SPATA17: variants seen among roughly 807,000 people sequenced by gnomAD.
SPATA17 encodes spermatogenesis-associated protein 17.
Under a neutral mutation model 62.2 loss-of-function variants are expected in SPATA17, and 53 were observed. The ratio of observed to expected loss-of-function variants is 0.85; its 90% CI spans 0.68 to 1.07. SPATA17 has a LOEUF of 1.07. SPATA17 is among the 50% of genes least tolerant of loss of function. The pLI, the probability that SPATA17 is intolerant of heterozygous loss-of-function variation, is 0.00. For synonymous variants in SPATA17, 146 were observed against 146.8 expected, an observed-to-expected ratio of 0.99 and a Z score of 0.04; for missense variants, 466 against 425.5, an observed-to-expected ratio of 1.10 and a Z score of -0.84.
intron 5 of SPATA17, among the ~76,000 whole-genome samples, chr1:217,696,313 A>C (rs1046418485): frequency 1.3e-5 from 2 of 152,132 alleles, no homozygotes; most frequent in Admixed American, 6.5e-5. Flanking sequence ...TGACCCCTTG[A>C]GCTTCCCAGG....
intron 5 of SPATA17, among the ~76,000 whole-genome samples, chr1:217,732,902 C>A (rs1269648719): frequency 6.6e-6 from 1 of 151,992 alleles, no homozygotes; most frequent in African/African-American, 2.4e-5. Flanking sequence ...TTTACAGCAA[C>A]TCTCTAGATG....
chr1:217,679,943 TC>T, intron 4 of SPATA17, among the ~76,000 whole-genome samples: 1 of 152,212 alleles, frequency 6.6e-6, no homozygotes. Context: ...AATCATAAAC[TC>T]GCATCATTCT....
intron 9 of SPATA17, among the ~76,000 whole-genome samples, chr1:217,855,729 A>ATTGT (rs1675767654): frequency 7.8e-6 from 1 of 128,882 alleles, no homozygotes; most frequent in African/African-American, 2.9e-5. Flanking sequence ...AGAAGGAACT[A>ATTGT]TTTTTTTTTT....
At chr1:217,643,187 C>A (rs111337477) in intron 1 of SPATA17, among the ~76,000 whole-genome samples, 6,718 of 151,634 alleles carry the variant, frequency 0.044, 204 homozygotes, top group Middle Eastern at 0.095. Flanking sequence ...TTTCTCTTAC[C>A]TTTTCTGACA....
At chr1:217,708,561 G>T (rs1054915969) in intron 5 of SPATA17, among the ~76,000 whole-genome samples, 2 of 151,854 alleles carry the variant, frequency 1.3e-5, no homozygotes, top group East Asian at 3.9e-4. Flanking sequence ...TCAATAATAA[G>T]AAGCCTACCA....
At chr1:217,740,964 G>T (rs1351056447) in intron 5 of SPATA17, among the ~76,000 whole-genome samples, 1 of 152,142 alleles carries the variant, frequency 6.6e-6, no homozygotes, top group African/African-American at 2.4e-5. Context: ...ATGAAGTATT[G>T]TATTAGTGGC....
intron 6 of SPATA17, among the ~76,000 whole-genome samples, chr1:217,770,946 G>T (rs1673422879): frequency 8.9e-6 from 1 of 112,122 alleles, no homozygotes; most frequent in African/African-American, 3.3e-5. Context: ...GGGAATTCAA[G>T]AAAAATATGT....
In SPATA17 at chr1:217,637,626, T is replaced by C. The variant is rs115864828; in HGVS notation, c.68+6180T>C. Among the ~76,000 whole-genome samples, 1,502 of 152,326 alleles carry C rather than the reference T, an allele frequency of 9.9e-3. 26 individuals are homozygous for C. Among genetic ancestry groups the C allele is most frequent in the African/African-American group, 0.034 (1,429 of 41,570 alleles). Reference sequence around the variant, plus strand: ...ATAGTAAATTGACTGTAGTTCCTCCTGTATCCTTAGTCTAATAATTTTGTT... The same window carrying C: ...ATAGTAAATTGACTGTAGTTCCTCCCGTATCCTTAGTCTAATAATTTTGTT... On this transcript the variant is annotated intron_variant, in intron 1 of 10. Coordinates refer to ENST00000366933, the MANE Select transcript of SPATA17 (RefSeq NM_138796.4).
chr1:217,703,735 T>A (rs1671658436), intron 5 of SPATA17, among the ~76,000 whole-genome samples: 1 of 152,234 alleles, frequency 6.6e-6, no homozygotes, highest in African/African-American at 2.4e-5. Context: ...TATTGACTTG[T>A]CTCTAATCTC....
intron 5 of SPATA17, among the ~76,000 whole-genome samples, chr1:217,711,169 G>A (rs1158582209): frequency 6.6e-6 from 1 of 152,036 alleles, no homozygotes; most frequent in African/African-American, 2.4e-5. Flanking sequence ...TGGTTCAGTG[G>A]TACATGTACA....
At chr1:217,721,704 C>G (rs1047182056) in intron 5 of SPATA17, among the ~76,000 whole-genome samples, 5 of 152,110 alleles carry the variant, frequency 3.3e-5, no homozygotes, top group African/African-American at 1.2e-4. Flanking sequence ...AACTTTGGTC[C>G]TTCTAGATGA....
At chr1:217,824,379 A>G (rs887600644) in intron 9 of SPATA17, among the ~76,000 whole-genome samples, 1 of 151,750 alleles carries the variant, frequency 6.6e-6, no homozygotes, top group Admixed American at 6.6e-5. Context: ...TTATGAGTCA[A>G]GTAGGTATAG....
intron 9 of SPATA17, among the ~76,000 whole-genome samples, chr1:217,848,534 T>G (rs1283448421): frequency 6.6e-6 from 1 of 152,198 alleles, no homozygotes; most frequent in Admixed American, 6.5e-5. Flanking sequence ...GAGTTATTAC[T>G]TACCTTCTTC....
chr1:217,676,455 A>G (rs17724824), intron 4 of SPATA17, among the ~76,000 whole-genome samples: 7,676 of 152,200 alleles, frequency 0.05, 260 homozygotes, highest in Middle Eastern at 0.11. Flanking sequence ...AAGAAAAGGG[A>G]CTCTAACATT....
intron 9 of SPATA17, among the ~76,000 whole-genome samples, chr1:217,811,444 C>CT (rs557531953): frequency 2.0e-5 from 3 of 152,024 alleles, no homozygotes; most frequent in Non-Finnish European, 2.9e-5. Context: ...ACCTTCCTTT[C>CT]TTTTTTTTCT....
chr1:217,827,831 A>T (rs1296458853), intron 9 of SPATA17, among the ~76,000 whole-genome samples: 1 of 152,132 alleles, frequency 6.6e-6, no homozygotes, highest in Non-Finnish European at 1.5e-5. Context: ...TAGCTGAACA[A>T]TGAGAACACA....
intron 4 of SPATA17, among the ~76,000 whole-genome samples, chr1:217,678,205 C>CTATTT (rs1670997146): frequency 9.3e-6 from 1 of 107,552 alleles, no homozygotes. Flanking sequence ...CTTTTCTTTT[C>CTATTT]TTTTTTTTTT....
chr1:217,790,523 C>G (rs952785769), intron 8 of SPATA17, among the ~76,000 whole-genome samples: 3 of 152,126 alleles, frequency 2.0e-5, no homozygotes, highest in African/African-American at 7.2e-5. Flanking sequence ...TCACTGCAAG[C>G]TCTGCCTCCC....
intron 5 of SPATA17, among the ~76,000 whole-genome samples, chr1:217,727,247 CAAT>C (rs59885913): frequency 0.032 from 4,235 of 132,678 alleles, 119 homozygotes; most frequent in Admixed American, 0.091. Flanking sequence ...AACTCCGTCT[CAAT>C]AATAATAATA....
Sources: allele counts gnomAD v4.1 joint callset (sites outside exome capture counted in the v4.1 genomes callset), GRCh38; gene constraint gnomAD v4.1.1; transcripts MANE v1.5; gene names NCBI Gene and HGNC (gene_info 2026-07-23, HGNC 2026-07-21).